The following CGN variants were observed in gnomAD, a reference collection of about 807,000 sequenced individuals.
CGN encodes the protein cingulin.
Under a neutral mutation model 157.1 loss-of-function variants are expected in CGN, and 121 were observed. That is an observed-to-expected ratio of 0.77 (90% CI 0.66 to 0.90). The LOEUF is 0.90. Ranked by LOEUF, CGN falls within the 40% of genes least tolerant of loss-of-function variation. CGN has a pLI of 0.00. For missense variants in CGN, 1,424 were observed against 1,520.9 expected, an observed-to-expected ratio of 0.94 and a Z score of 1.06; for synonymous variants, 535 against 607.5, an observed-to-expected ratio of 0.88 and a Z score of 1.76.
At position 151,518,691 on chromosome 1, in the gene CGN, C is replaced by T. The variant is rs1198230533; in HGVS notation, c.172C>T (p.Gln58Ter). 1 of 1,614,126 alleles carries T rather than the reference C, an allele frequency of 6.2e-7. No homozygotes were observed. Among genetic ancestry groups the T allele is most frequent in the Non-Finnish European group, 8.5e-7 (1 of 1,180,024 alleles). ...TACCTACGGGGTTGCTGTGCGTGTG[C>T]AGGGAATCGCTGGGCAGCCCTTTGT... Reference protein sequence around the residue: ...ASTYGVAVRVQGIAGQPFVVL... With the variant: ...ASTYGVAVRV The change falls in exon 2 of 21, where the codon CAG becomes TAG. Residue 58 changes from glutamine (Q) to a stop codon, truncating the protein, a stop_gained. Transcript: ENST00000271636. LOFTEE classifies it high-confidence loss of function.
intron 1 of CGN, 104 bp from the exon 2 acceptor site, chr1:151,518,402 A>G: frequency 1.1e-6 from 1 of 943,768 alleles, no homozygotes; most frequent in Non-Finnish European, 1.6e-6. Context: ...TCTGAGAATC[A>G]GTGGTTTATC....
At position 151,529,907 on chromosome 1, in the gene CGN, A is replaced by C; in HGVS notation, c.2107-2A>C. ...AGCTGCCACCCCCTGAACCGTCCTT[A>C]GGCTAAGATGGTGGCCGAGGCAGAG... On this transcript the variant is annotated splice_acceptor_variant, in intron 11 of 20. Coordinates refer to ENST00000271636, the MANE Select transcript of CGN (RefSeq NM_020770.3). LOFTEE classifies it high-confidence loss of function. The C allele has an allele frequency of 6.2e-7, 1 of 1,612,874 alleles. No homozygotes were observed. The highest frequency in any genetic ancestry group is 8.5e-7 in the Non-Finnish European group (1 of 1,179,356).
chr1:151,512,189 TGAGAGA>T, intron 1 of CGN, among the ~76,000 whole-genome samples: 1 of 151,386 alleles, frequency 6.6e-6, no homozygotes, highest in South Asian at 2.1e-4. Flanking sequence ...TTCTTCCTCT[TGAGAGA>T]GAGAGAGAGT....
At chr1:151,529,205 CT>C (rs35572470) in intron 10 of CGN, 144 bp from the exon 11 acceptor site, 1 of 651,348 alleles carries the variant, frequency 1.5e-6, no homozygotes, top group East Asian at 2.7e-5. Context: ...CTGTGTTTAA[CT>C]TTTTGAGAAA....
rs1188555338 is a variant in CGN at position 151,518,852 on chromosome 1, T to C, written c.333T>C (p.Phe111=). The C allele has an allele frequency of 6.2e-7, 1 of 1,613,980 alleles. No homozygotes were observed. Among genetic ancestry groups the C allele is most frequent in the Admixed American group, 1.7e-5 (1 of 59,976 alleles). The change falls in exon 2 of 21, where the codon TTT becomes TTC. Residue 111 remains phenylalanine (F), a synonymous_variant. Coordinates refer to ENST00000271636, the MANE Select transcript of CGN (RefSeq NM_020770.3). ...ACCCCTACTCTCAGGTCAAGGGATT[T>C]CCTGCCCCCTCGCAGAGCAGCACAT... is the stretch of plus-strand genomic sequence containing the variant. ...PENPYSQVKG[F]PAPSQSSTSD... is the part of the protein sequence containing the mutation.
chr1:151,536,263 A>G lies in CGN; in HGVS notation c.3224A>G (p.Asn1075Ser). ...EREKTVLQST[N>S]RKLERKVKEL... ...GAGAAGACAGTTCTGCAGTCTACCA[A>G]TCGAAAACTGGAGCGGAAAGTTAAA... The change falls in exon 19 of 21, where the codon AAT becomes AGT. Residue 1075 changes from asparagine to serine, a missense_variant. Physicochemically the swap from Asn to Ser is conservative, Grantham distance 46. Coordinates refer to ENST00000271636, the MANE Select transcript of CGN (RefSeq NM_020770.3). The G allele has an allele frequency of 2.5e-6, 4 of 1,610,490 alleles. No individual in the cohort carries two copies. The highest frequency in any genetic ancestry group is 3.4e-6 in the Non-Finnish European group (4 of 1,176,674).
chr1:151,524,685 G>T lies in CGN; in HGVS notation c.1413G>T (p.Glu471Asp). 3 of 1,607,324 alleles carry T rather than the reference G, an allele frequency of 1.9e-6. No individual in the cohort carries two copies. The highest frequency in any genetic ancestry group is 2.5e-6 in the Non-Finnish European group (3 of 1,178,588). ...TTTATTTTCTCCAGGACCTGTTAGAGACCCGGGAACTTCTGGAAGAGGTCT... is the reference window on the plus strand; with the variant it reads ...TTTATTTTCTCCAGGACCTGTTAGATACCCGGGAACTTCTGGAAGAGGTCT... ...AKEVLLKDLL[E>D]TRELLEEVLE... Residue 471 changes from glutamate to aspartate, a missense_variant, in exon 8 of 21, where the codon GAG becomes GAT. This residue lies in a region of CGN where 1,187 missense variants were observed against 1,217.6 expected (regional missense o/e 0.97). Transcript: ENST00000271636. This position sits in a 1 kb window ranked among gnomAD's most constrained non-coding sequence, Gnocchi z 4.4.
In CGN at chr1:151,537,275, G is replaced by T; in HGVS notation, c.3541G>T (p.Asp1181Tyr). The T allele has an allele frequency of 6.2e-7, 1 of 1,613,978 alleles. No individual in the cohort carries two copies. The highest frequency in any genetic ancestry group is 8.5e-7 in the Non-Finnish European group (1 of 1,179,884). The change falls in exon 21 of 21, where the codon GAC becomes TAC. Residue 1181 changes from aspartate to tyrosine, a missense_variant. Around this residue, in one of 3 missense-constraint regions of CGN, gnomAD observed 38 missense variants for 31.1 expected, o/e 1.22. Coordinates refer to ENST00000271636, the MANE Select transcript of CGN (RefSeq NM_020770.3). ...NEGLSSDEEFDSVYDPSSIAS... is the reference protein window; with the variant it reads ...NEGLSSDEEFYSVYDPSSIAS... Reference sequence around the variant, plus strand: ...AGGGCTGAGCTCAGATGAGGAATTCGACAGTGTCTACGATCCCTCGTCCAT... The same window carrying T: ...AGGGCTGAGCTCAGATGAGGAATTCTACAGTGTCTACGATCCCTCGTCCAT...
At position 151,534,141 on chromosome 1, in the gene CGN, G is replaced by A; in HGVS notation, c.2904+5G>A. 1.3e-6 allele frequency: 2 copies of A among 1,572,298 alleles called. No individual in the cohort carries two copies. Among genetic ancestry groups the A allele is most frequent in the Non-Finnish European group, 8.6e-7 (1 of 1,158,592 alleles). On this transcript the variant is annotated splice_donor_5th_base_variant and intron_variant, in intron 15 of 20. Coordinates refer to ENST00000271636, the MANE Select transcript of CGN (RefSeq NM_020770.3). ...CGGCAGCTGAAGGGTCTCGAGGTGA[G>A]GGCACTGAGGTGTGACCTGTGGAAA...
Position 151,520,701 on chromosome 1 carries a change from G to A in CGN, c.1140+10G>A, listed in dbSNP as rs1443637368. Reference sequence around the variant, plus strand: ...GGATGAAGAGGTGAAGGTAAGGAAAGGTTAGAGGTGCCGGAGGCATGAAGG... The same window carrying A: ...GGATGAAGAGGTGAAGGTAAGGAAAAGTTAGAGGTGCCGGAGGCATGAAGG... On this transcript the variant is annotated intron_variant, in intron 5 of 20. Transcript: ENST00000271636. 6.2e-7 allele frequency: 1 copy of A among 1,609,602 alleles called. No homozygotes were observed. Among genetic ancestry groups the A allele is most frequent in the Non-Finnish European group, 8.5e-7 (1 of 1,177,504 alleles).
intron 14 of CGN, 38 bp downstream of exon 14, chr1:151,532,610 C>CTTTT: frequency 9.4e-7 from 1 of 1,066,688 alleles, no homozygotes; most frequent in South Asian, 2.3e-5. Flanking sequence ...AGGTCCTTGC[C>CTTTT]TCTTTTTTTT....
intron 9 of CGN, 65 bp downstream of exon 9, chr1:151,525,855 TTTTTAA>T (rs1037576765): frequency 6.1e-6 from 7 of 1,146,360 alleles, no homozygotes; most frequent in Non-Finnish European, 5.7e-6. Context: ...TTTTTTTTAA[TTTTTAA>T]TTTTAATTTT....
chr1:151,533,206 G>T (rs1409498108), intron 14 of CGN, among the ~76,000 whole-genome samples: 1 of 152,160 alleles, frequency 6.6e-6, no homozygotes, highest in Non-Finnish European at 1.5e-5. Flanking sequence ...AGCTGAGGAC[G>T]GTGGCTCACG....
Position 151,536,861 on chromosome 1 carries a change from G to A in CGN, c.3438G>A (p.Gln1146=), listed in dbSNP as rs1475380223. Residue 1146 remains glutamine, a synonymous_variant, in exon 20 of 21, where the codon CAG becomes CAA. Coordinates refer to ENST00000271636, the MANE Select transcript of CGN (RefSeq NM_020770.3). ...EEQHEVNEQL[Q]ARIKSLEKDS... ...AGCATGAGGTCAATGAACAGCTCCA[G>A]GCCCGGATCAAGTCTCTGGAGAAGG... The A allele has an allele frequency of 6.2e-7, 1 of 1,614,016 alleles. No individual in the cohort carries two copies. Among genetic ancestry groups the A allele is most frequent in the South Asian group, 1.1e-5 (1 of 91,086 alleles).
At chr1:151,512,702 G>C (rs1664327811) in intron 1 of CGN, among the ~76,000 whole-genome samples, 1 of 152,220 alleles carries the variant, frequency 6.6e-6, no homozygotes, top group Non-Finnish European at 1.5e-5. Context: ...GTTGTAATTG[G>C]GAAATAATTA....
chr1:151,535,177 C>T (rs1398526402), intron 16 of CGN, 46 bp downstream of exon 16: 1 of 1,417,826 alleles, frequency 7.1e-7, no homozygotes, highest in Non-Finnish European at 9.9e-7. Flanking sequence ...GACTGCATCA[C>T]CTCTTGGTTC....
intron 12 of CGN, 92 bp downstream of exon 12, chr1:151,530,207 A>G: frequency 5.1e-6 from 7 of 1,383,588 alleles, no homozygotes; most frequent in Non-Finnish European, 7.0e-6. Context: ...CTTTGCCCTT[A>G]GTGTGCATCT....
chr1:151,518,257 G>A (rs1164421868), intron 1 of CGN, among the ~76,000 whole-genome samples: 1 of 152,174 alleles, frequency 6.6e-6, no homozygotes, highest in Non-Finnish European at 1.5e-5. Flanking sequence ...TGGACCAGTA[G>A]CATCAGTATC....
At position 151,537,203 on chromosome 1, in the gene CGN, A is replaced by G; in HGVS notation, c.3471-2A>G. The G allele has an allele frequency of 6.2e-7, 1 of 1,611,870 alleles. No homozygotes were observed. The highest frequency in any genetic ancestry group is 1.1e-5 in the South Asian group (1 of 90,806). On this transcript the variant is annotated splice_acceptor_variant, in intron 20 of 20. Transcript: ENST00000271636. LOFTEE classifies it high-confidence loss of function. Reference sequence around the variant, plus strand: ...CAACCATTATTCTTCTCTCTGAGTCAGGCGCAAAGCTTCCCGCTCAGCTGC... The same window carrying G: ...CAACCATTATTCTTCTCTCTGAGTCGGGCGCAAAGCTTCCCGCTCAGCTGC...
Sources: gnomAD v4.1 joint callset for allele counts (sites outside exome capture counted in the v4.1 genomes callset) on GRCh38, gnomAD v4.1.1 for gene constraint, gnomAD v4.1.1 regional missense constraint, Gnocchi (gnomAD v3.1) non-coding constraint, MANE v1.5 for transcripts, NCBI Gene and HGNC (gene_info 2026-07-23, HGNC 2026-07-21) for gene names.